Variants in TCF4 observed in about 807,000 individuals in gnomAD.
The protein encoded by TCF4 is transcription factor 4.
A neutral mutation model predicts 82.1 loss-of-function variants in TCF4; 3 were observed. The ratio of observed to expected loss-of-function variants is 0.04; its 90% CI spans 0.02 to 0.09. The LOEUF (loss-of-function observed/expected upper bound fraction) is 0.09. Ranked by LOEUF, TCF4 falls within the 10% of genes least tolerant of loss-of-function variation. The probability of loss-of-function intolerance (pLI) is 1.00; values close to 1 mark genes in which losing one functional copy is unlikely to be tolerated. For missense variants in TCF4, 518 were observed against 852.7 expected, an observed-to-expected ratio of 0.61 and a Z score of 4.89; for synonymous variants, 276 against 309.6, an observed-to-expected ratio of 0.89 and a Z score of 1.14.
chr18:55,616,987 T>A (rs2097712777), intron 2 of TCF4, among the ~76,000 whole-genome samples: 1 of 152,116 alleles, frequency 6.6e-6, no homozygotes, highest in African/African-American at 2.4e-5. Flanking sequence ...TGTTTTGCTG[T>A]CATATCTAAT....
At chr18:55,434,933 AACAAT>A (rs2095297651) in intron 5 of TCF4, among the ~76,000 whole-genome samples, 1 of 152,140 alleles carries the variant, frequency 6.6e-6, no homozygotes, top group Admixed American at 6.5e-5. Context: ...TTATGTTACA[AACAAT>A]ACAATTATAC....
At chr18:55,568,803 C>A (rs2097432804) in intron 3 of TCF4, among the ~76,000 whole-genome samples, 1 of 152,002 alleles carries the variant, frequency 6.6e-6, no homozygotes, top group Non-Finnish European at 1.5e-5. Context: ...ATATTATATG[C>A]CAATCTTACT....
intron 3 of TCF4, among the ~76,000 whole-genome samples, chr18:55,521,327 T>G (rs2096931414): frequency 6.6e-6 from 1 of 152,232 alleles, no homozygotes; most frequent in African/African-American, 2.4e-5. Context: ...GCATGTTATG[T>G]AAATGTTATC....
At chr18:55,390,982 G>T (rs776228494) in intron 6 of TCF4, among the ~76,000 whole-genome samples, 1 of 152,214 alleles carries the variant, frequency 6.6e-6, no homozygotes, top group Admixed American at 6.5e-5. Flanking sequence ...GCATTCTGGG[G>T]AAGAAGTTCA....
chr18:55,507,202 A>C (rs902512892), intron 3 of TCF4, among the ~76,000 whole-genome samples: 9 of 152,092 alleles, frequency 5.9e-5, no homozygotes, highest in African/African-American at 1.9e-4. Flanking sequence ...AACTTATAGG[A>C]TGCACTTCAT....
chr18:55,455,485 TAA>T (rs1313083358), intron 5 of TCF4, among the ~76,000 whole-genome samples: 1 of 146,820 alleles, frequency 6.8e-6, no homozygotes, highest in Non-Finnish European at 1.5e-5. Flanking sequence ...GTCCAACACT[TAA>T]GAGTTGATGT....
intron 15 of TCF4, among the ~76,000 whole-genome samples, chr18:55,237,492 C>CA (rs1331158018): frequency 6.5e-5 from 8 of 122,602 alleles, no homozygotes; most frequent in Admixed American, 5.7e-4. Flanking sequence ...TTTTTGGAGA[C>CA]AGAGTCTTGC....
chr18:55,374,088 T>A (rs2090090883), intron 6 of TCF4, among the ~76,000 whole-genome samples: 1 of 152,020 alleles, frequency 6.6e-6, no homozygotes, highest in Non-Finnish European at 1.5e-5. Context: ...CAAAATAACA[T>A]TTAAAACAAT....
intron 2 of TCF4, among the ~76,000 whole-genome samples, chr18:55,622,614 T>G (rs1037506671): frequency 6.6e-6 from 1 of 152,068 alleles, no homozygotes; most frequent in Non-Finnish European, 1.5e-5. Context: ...GTGACTATCT[T>G]ATCTAATTCC....
At chr18:55,393,672 T>C (rs926213667) in intron 6 of TCF4, among the ~76,000 whole-genome samples, 6 of 152,216 alleles carry the variant, frequency 3.9e-5, no homozygotes, top group Admixed American at 3.3e-4. Context: ...TTCATGCAAT[T>C]TGCATAATTT....
chr18:55,294,155 G>T (rs1281568220), intron 8 of TCF4, among the ~76,000 whole-genome samples: 2 of 151,214 alleles, frequency 1.3e-5, no homozygotes, highest in Non-Finnish European at 2.9e-5. Flanking sequence ...AGCTACTTGG[G>T]GGGCTGAGGC....
At chr18:55,247,087 C>T (rs2053499857) in intron 15 of TCF4, among the ~76,000 whole-genome samples, 1 of 152,088 alleles carries the variant, frequency 6.6e-6, no homozygotes, top group African/African-American at 2.4e-5. Context: ...ACGCTACGGA[C>T]AAAATGAGCA....
intron 3 of TCF4, among the ~76,000 whole-genome samples, chr18:55,538,026 G>GCGCGCGCACACACACA (rs1277287061): frequency 7.6e-6 from 1 of 131,504 alleles, no homozygotes; most frequent in South Asian, 2.5e-4. Context: ...CTGCGCGCGC[G>GCGCGCGCACACACACA]CACACACACA....
At chr18:55,456,770 A>G (rs879711893) in intron 5 of TCF4, among the ~76,000 whole-genome samples, 9 of 152,210 alleles carry the variant, frequency 5.9e-5, no homozygotes, top group Non-Finnish European at 1.2e-4. Context: ...TCCATAGCAT[A>G]TAAATAACCC....
At chr18:55,563,238 C>CAAA (rs74182105) in intron 3 of TCF4, among the ~76,000 whole-genome samples, 22 of 68,112 alleles carry the variant, frequency 3.2e-4, no homozygotes, top group Admixed American at 1.5e-3. Context: ...GACCCTGTCT[C>CAAA]AAAAAAAAAA....
intron 6 of TCF4, among the ~76,000 whole-genome samples, chr18:55,398,267 G>T (rs111909494): frequency 1.2e-4 from 19 of 152,234 alleles, no homozygotes; most frequent in African/African-American, 3.4e-4. Flanking sequence ...GAAAAATACC[G>T]CTCAGGGACA....
intron 6 of TCF4, among the ~76,000 whole-genome samples, chr18:55,369,479 G>C (rs2088280010): frequency 1.3e-5 from 2 of 152,182 alleles, no homozygotes. Flanking sequence ...GTGCCACAAT[G>C]CCAGTTTCCT....
intron 3 of TCF4, chr18:55,469,638 T>C (rs1052308084): frequency 1.3e-5 from 2 of 152,180 alleles, no homozygotes; most frequent in Non-Finnish European, 2.9e-5. Context: ...AAGCTCCACT[T>C]TGCTCTTGTG....
At chr18:55,341,907 G>A (rs952572236) in intron 8 of TCF4, among the ~76,000 whole-genome samples, 2 of 152,124 alleles carry the variant, frequency 1.3e-5, no homozygotes, top group Admixed American at 1.3e-4. Context: ...AAATTGTGAC[G>A]CAAGTGACAC....
Sources: allele counts gnomAD v4.1 joint callset (sites outside exome capture counted in the v4.1 genomes callset), GRCh38; gene constraint gnomAD v4.1.1; transcripts MANE v1.5; gene names NCBI Gene and HGNC (gene_info 2026-07-23, HGNC 2026-07-21).